CDH15: variants seen among roughly 807,000 people sequenced by gnomAD.
The protein encoded by CDH15 is cadherin 15, also known as cadherin-15.
CDH15 carries 73 observed loss-of-function variants against 69.4 expected under a neutral mutation model. The observed-to-expected ratio is 1.05, with a 90% CI of 0.87 to 1.28. The LOEUF (loss-of-function observed/expected upper bound fraction) is 1.28, where lower values mean the gene tolerates loss of function less well. Among genes scored for constraint, CDH15 ranks in the 50% most tolerant of loss-of-function variants. The probability of loss-of-function intolerance (pLI) is 0.00; values close to 1 mark genes in which losing one functional copy is unlikely to be tolerated. For synonymous variants in CDH15, 624 were observed against 507.7 expected, an observed-to-expected ratio of 1.23 and a Z score of -3.08; for missense variants, 1,343 against 1,133.6, an observed-to-expected ratio of 1.18 and a Z score of -2.65.
intron 6 of CDH15, 151 bp downstream of exon 6, chr16:89,187,708 C>A: frequency 8.8e-7 from 1 of 1,138,410 alleles, no homozygotes; most frequent in Non-Finnish European, 1.3e-6. Flanking sequence ...GAAGCCCAAG[C>A]TGGAGGGGCC....
chr16:89,180,805 G>A (rs1291615506), intron 3 of CDH15, among the ~76,000 whole-genome samples: 1 of 145,456 alleles, frequency 6.9e-6, no homozygotes, highest in Non-Finnish European at 1.5e-5. Flanking sequence ...CTCACTGCAA[G>A]CTCCGCCTCC....
Position 89,195,158 on chromosome 16 carries a change from C to T in CDH15, c.*3C>T, listed in dbSNP as rs781182063. The T allele has an allele frequency of 6.3e-7, 1 of 1,579,310 alleles. No homozygotes were observed. The highest frequency in any genetic ancestry group is 8.6e-7 in the Non-Finnish European group (1 of 1,163,500). ...GACACAGAGGCCGGACAGCCTGACC[C>T]TGGGGCGCAACTGGACATGCCACTC... On this transcript the variant is annotated 3_prime_UTR_variant, in exon 14 of 14. Transcript: ENST00000289746.
At chr16:89,176,327 G>C (rs532215013) in intron 1 of CDH15, among the ~76,000 whole-genome samples, 4 of 152,204 alleles carry the variant, frequency 2.6e-5, no homozygotes, top group African/African-American at 9.7e-5. Context: ...GGGCAGCCTC[G>C]GAGCCAGCAG....
intron 7 of CDH15, among the ~76,000 whole-genome samples, 189 bp from the exon 8 acceptor site, chr16:89,190,054 C>T (rs1387810545): frequency 6.6e-6 from 1 of 152,266 alleles, no homozygotes; most frequent in Non-Finnish European, 1.5e-5. Context: ...CCACCACACA[C>T]AACCAGCATT....
In CDH15 at chr16:89,187,536, C is replaced by T. The variant is rs750039458; in HGVS notation, c.771C>T (p.Ala257=). The T allele has an allele frequency of 1.2e-6, 2 of 1,613,680 alleles. No homozygotes were observed. The highest frequency in any genetic ancestry group is 1.7e-6 in the Non-Finnish European group (2 of 1,180,038). Reference sequence around the variant, plus strand: ...CCCTTGATGACATCAATGACAATGCCCCCGAGTTCACCAGGGATGAGGTGC... The same window carrying T: ...CCCTTGATGACATCAATGACAATGCTCCCGAGTTCACCAGGGATGAGGTGC... ...IITLDDINDN[A]PEFTRDEFFM... is the part of the protein sequence containing the mutation. Residue 257 remains alanine (A), a synonymous_variant, in exon 6 of 14, where the codon GCC becomes GCT. Transcript: ENST00000289746.
At chr16:89,177,731 G>A (rs1018990456) in intron 1 of CDH15, among the ~76,000 whole-genome samples, 12 of 152,166 alleles carry the variant, frequency 7.9e-5, no homozygotes, top group African/African-American at 2.2e-4. Flanking sequence ...CAGCCTGACC[G>A]GGGAGCTCGA....
intron 5 of CDH15, 111 bp from the exon 6 acceptor site, chr16:89,187,318 G>A (rs1387945959): frequency 7.6e-7 from 1 of 1,319,544 alleles, no homozygotes; most frequent in Non-Finnish European, 1.1e-6. Context: ...ACACCCACTG[G>A]GTGCTCCCGT....
intron 7 of CDH15, 61 bp from the exon 8 acceptor site, chr16:89,190,182 C>G: frequency 1.3e-6 from 2 of 1,587,844 alleles, no homozygotes; most frequent in Non-Finnish European, 1.7e-6. Context: ...CCCCATGGCA[C>G]CTGCCCTCGG....
In CDH15 at chr16:89,195,420, C is replaced by G. The variant is rs1915790138; in HGVS notation, c.*265C>G. 2.5e-5 allele frequency: 13 copies of G among 518,536 alleles called. 2 individuals are homozygous for G. In the South Asian group the frequency reaches 4.0e-4, roughly 16 times the overall value. The allele number at this position is 518,536 out of a possible 1,614,324, so 32.1% of individuals were successfully genotyped here. On this transcript the variant is annotated 3_prime_UTR_variant, in exon 14 of 14. Transcript: ENST00000289746. ...CCCACCTTTGCCTCCTACCAGTGAACCTCATCTTTGTATGAAAGACAGCAA... is the reference window on the plus strand; with the variant it reads ...CCCACCTTTGCCTCCTACCAGTGAAGCTCATCTTTGTATGAAAGACAGCAA...
Position 89,195,015 on chromosome 16 carries a change from T to C in CDH15, c.2305T>C (p.Trp769Arg). 3.1e-6 allele frequency: 5 copies of C among 1,612,226 alleles called. No homozygotes were observed. Among genetic ancestry groups the C allele is most frequent in the Non-Finnish European group, 4.2e-6 (5 of 1,179,738 alleles). Residue 769 changes from tryptophan (W) to arginine (R), a missense_variant, in exon 14 of 14, where the codon TGG (tryptophan) becomes CGG (arginine). Physicochemically the swap from Trp to Arg is moderately radical, Grantham distance 101. Transcript: ENST00000289746. ...EDQDYDYLRD[W>R]GPRFARLADM... is the part of the protein sequence containing the mutation. Reference sequence around the variant, plus strand: ...CCAGGACTACGACTACCTCAGAGACTGGGGGCCCCGCTTCGCCCGGCTGGC... The same window carrying C: ...CCAGGACTACGACTACCTCAGAGACCGGGGGCCCCGCTTCGCCCGGCTGGC...
At chr16:89,182,284 C>A (rs1416440659) in intron 3 of CDH15, among the ~76,000 whole-genome samples, 1 of 116,064 alleles carries the variant, frequency 8.6e-6, no homozygotes, top group Non-Finnish European at 1.8e-5. Flanking sequence ...CTCCCCTCCC[C>A]CAGCCTGCCC....
At chr16:89,188,912 C>CGGCA (rs1443660519) in intron 7 of CDH15, among the ~76,000 whole-genome samples, 1 of 136,908 alleles carries the variant, frequency 7.3e-6, no homozygotes, top group Non-Finnish European at 1.6e-5. Context: ...ACACACATGC[C>CGGCA]CACACACAGG....
chr16:89,184,379 C>T lies in CDH15; in HGVS notation c.502+687C>T, dbSNP rs534477930. ...AAAGCCCGTCCTTCCCACCCCACCT[C>T]GGTGGCTAAGTCCACCTGAGCTGCC... On this transcript the variant is annotated intron_variant, in intron 4 of 13. Transcript: ENST00000289746. Among the ~76,000 whole-genome samples the T allele has an allele frequency of 7.2e-4, 110 of 152,330 alleles. 1 individual carries two copies. The highest frequency in any genetic ancestry group is 2.2e-3 in the African/African-American group (92 of 41,564).
intron 7 of CDH15, among the ~76,000 whole-genome samples, chr16:89,188,531 GGC>G (rs1915549659): frequency 1.1e-5 from 1 of 90,312 alleles, no homozygotes; most frequent in Non-Finnish European, 2.3e-5. Context: ...CACAGATGCC[GGC>G]ACACACAGAT....
intron 1 of CDH15, among the ~76,000 whole-genome samples, chr16:89,176,719 A>G (rs756918892): frequency 4.9e-4 from 73 of 149,848 alleles, no homozygotes; most frequent in Admixed American, 1.1e-3. Context: ...GGTGATGTGG[A>G]GATGGGGAAG....
intron 13 of CDH15, 119 bp downstream of exon 13, chr16:89,194,032 TC>T: frequency 8.6e-7 from 1 of 1,159,398 alleles, no homozygotes; most frequent in Non-Finnish European, 1.2e-6. Flanking sequence ...TTATGGGCCG[TC>T]CCAGAGCACC....
chr16:89,179,719 T>C, intron 2 of CDH15, 145 bp downstream of exon 2: 1 of 825,978 alleles, frequency 1.2e-6, no homozygotes, highest in Non-Finnish European at 1.9e-6. Context: ...TTGCCAGGGC[T>C]CTGGGCTTCC....
At chr16:89,187,239 C>G (rs1049962736) in intron 5 of CDH15, among the ~76,000 whole-genome samples, 190 bp from the exon 6 acceptor site, 1 of 152,268 alleles carries the variant, frequency 6.6e-6, no homozygotes, top group Admixed American at 6.5e-5. Context: ...GTGCCATAGG[C>G]TAGGGCAGCA....
rs765447950 is a variant in CDH15, at chr16:89,190,270, T to C, written c.1006T>C (p.Tyr336His). 17 of 1,612,618 alleles carry C rather than the reference T, an allele frequency of 1.1e-5. No individual in the cohort carries two copies. The highest frequency in any genetic ancestry group is 1.3e-5 in the African/African-American group (1 of 74,916). The change falls in exon 8 of 14, where the codon TAC becomes CAC. Residue 336 changes from tyrosine to histidine, a missense_variant. Tyr to His is a moderately conservative substitution (Grantham distance 83). Transcript: ENST00000289746. ...CCTGGACTATGAGAGCTGTGAACAC[T>C]ACGAACTCAAAGTGTCGGTGCAGAA... ...KALDYESCEH[Y>H]ELKVSVQNEA...
Sources: allele counts gnomAD v4.1 joint callset (sites outside exome capture counted in the v4.1 genomes callset), GRCh38; gene constraint gnomAD v4.1.1; transcripts MANE v1.5; gene names NCBI Gene and HGNC (gene_info 2026-07-23, HGNC 2026-07-21).